Variants in LINGO1 observed in about 807,000 individuals in gnomAD.
The protein encoded by LINGO1 is leucine rich repeat and Ig domain containing 1, also known as leucine-rich repeat and immunoglobulin-like domain-containing nogo receptor-interacting protein 1.
A neutral mutation model predicts 37.3 loss-of-function variants in LINGO1; 11 were observed. The ratio of observed to expected loss-of-function variants is 0.29; its 90% CI spans 0.19 to 0.49. The LOEUF is 0.49. Among genes scored for constraint, LINGO1 ranks in the 20% least tolerant of loss-of-function variants. The probability of loss-of-function intolerance (pLI) is 0.99; values close to 1 mark genes in which losing one functional copy is unlikely to be tolerated. For missense variants in LINGO1, 585 were observed against 878.2 expected (o/e 0.67, Z 4.22); for synonymous variants, 387 against 403.0 (o/e 0.96, Z 0.48).
In LINGO1 at chr15:77,614,821, C is replaced by T. The variant is rs370273780; in HGVS notation, c.1086G>A (p.Glu362=). Residue 362 remains glutamate, a synonymous_variant, in exon 2 of 2, where the codon GAG becomes GAA. Transcript: ENST00000355300. ...GCGGGTTGGAGTCCAGGATGAGTGT[C>T]TCCAGGTTGCCCACCGAGTGGAAGA... is the stretch of plus-strand genomic sequence containing the variant. ...ESVFHSVGNL[E]TLILDSNPLA... The T allele has an allele frequency of 1.2e-6, 2 of 1,612,104 alleles. No homozygotes were observed. The highest frequency in any genetic ancestry group is 8.5e-7 in the Non-Finnish European group (1 of 1,179,228).
chr15:77,791,172 T>C (rs2076815639), upstream of LINGO1, among the ~76,000 whole-genome samples: 1 of 151,914 alleles, frequency 6.6e-6, no homozygotes, highest in Non-Finnish European at 1.5e-5. Context: ...GGGATTCTGT[T>C]TGGGAAGAGC....
chr15:77,762,922 T>C (rs2076491670), intron 1 of LINGO1, among the ~76,000 whole-genome samples: 1 of 152,162 alleles, frequency 6.6e-6, no homozygotes, highest in Non-Finnish European at 1.5e-5. Flanking sequence ...CTGATTGCCC[T>C]CTGTCACCCC....
chr15:77,810,689 C>T (rs551501575), intron 1 of LINGO1, among the ~76,000 whole-genome samples: 80 of 152,344 alleles, frequency 5.3e-4, no homozygotes, highest in African/African-American at 1.7e-3. Context: ...TCTCTAAGTA[C>T]GCCTTCTAGT....
chr15:77,700,297 A>G (rs1237318458), upstream of LINGO1, among the ~76,000 whole-genome samples: 1 of 152,216 alleles, frequency 6.6e-6, no homozygotes, highest in Non-Finnish European at 1.5e-5. Flanking sequence ...GAAACTGAAA[A>G]AAGTCAAAAG....
intron 1 of LINGO1, among the ~76,000 whole-genome samples, chr15:77,619,482 C>G (rs2073849820): frequency 6.6e-6 from 1 of 151,980 alleles, no homozygotes; most frequent in Admixed American, 6.6e-5. Context: ...GCCAGGAGCT[C>G]AAGACAAGGC....
intron 3 of LINGO1, among the ~76,000 whole-genome samples, chr15:77,656,497 G>A (rs1430561141): frequency 1.3e-5 from 2 of 152,120 alleles, no homozygotes; most frequent in Non-Finnish European, 2.9e-5. Context: ...TCCTCCCCCC[G>A]CAGCCGCCCT....
At chr15:77,619,872 C>A (rs568142541) in intron 1 of LINGO1, among the ~76,000 whole-genome samples, 2 of 152,214 alleles carry the variant, frequency 1.3e-5, no homozygotes, top group South Asian at 4.1e-4. Context: ...TGGGAGTGTA[C>A]GGGCTCTGAG....
At chr15:77,678,250 T>A (rs2075360217) in intron 2 of LINGO1, among the ~76,000 whole-genome samples, 1 of 152,226 alleles carries the variant, frequency 6.6e-6, no homozygotes, top group African/African-American at 2.4e-5. Flanking sequence ...GACAACTGCG[T>A]GTGGCTGTGT....
chr15:77,642,341 G>A (rs1359321488), intron 3 of LINGO1, among the ~76,000 whole-genome samples: 1 of 152,364 alleles, frequency 6.6e-6, no homozygotes, highest in South Asian at 2.1e-4. Context: ...ACAGAGGCAG[G>A]CCTCTCGAGT....
upstream of LINGO1, among the ~76,000 whole-genome samples, chr15:77,791,002 G>A (rs2076814704): frequency 6.6e-6 from 1 of 152,158 alleles, no homozygotes; most frequent in South Asian, 2.1e-4. Context: ...GGTGACTATG[G>A]GGCTTGTGAA....
chr15:77,803,616 T>A (rs1427182641), intron 1 of LINGO1, among the ~76,000 whole-genome samples: 3 of 151,706 alleles, frequency 2.0e-5, no homozygotes, highest in African/African-American at 4.8e-5. Flanking sequence ...GTCATGGGGG[T>A]GGATCCCTCA....
chr15:77,750,112 C>T (rs947812419), intron 1 of LINGO1, among the ~76,000 whole-genome samples: 1 of 152,108 alleles, frequency 6.6e-6, no homozygotes, highest in Non-Finnish European at 1.5e-5. Context: ...GCCCTGGAGT[C>T]AGAGCAGGGG....
chr15:77,755,623 G>C lies in LINGO1; in HGVS notation c.-256-20570C>G, dbSNP rs73455720. 8.5e-3 allele frequency among the ~76,000 whole-genome samples: 1,295 copies of C among 152,278 alleles called. 22 individuals carry two copies. The highest frequency in any genetic ancestry group is 0.03 in the African/African-American group (1,244 of 41,552). ...AAATAGAGTTGCTATCATTGTTTAT[G>C]TTACAGTTATACCTTCTGGTTAACA... On this transcript the variant is annotated intron_variant, in intron 1 of 3. Coordinates refer to the LINGO1 transcript ENST00000561686.
In LINGO1 at chr15:77,703,641, C is replaced by T. The variant is rs147066911; in HGVS notation, c.-194-12740G>A. On this transcript the variant is annotated intron_variant, in intron 2 of 3. Transcript: ENST00000561686. The stretch of plus-strand genomic sequence containing the variant: ...AAGGACCCTCCAGAGCTCCAAAATC[C>T]AGGACCACAATGCTCAAAATGCCTC... 2.5e-3 allele frequency among the ~76,000 whole-genome samples: 382 copies of T among 152,260 alleles called. 1 individual carries two copies. Among genetic ancestry groups the T allele is most frequent in the African/African-American group, 7.7e-3 (321 of 41,538 alleles).
intron 2 of LINGO1, among the ~76,000 whole-genome samples, chr15:77,721,990 C>A (rs2141314886): frequency 6.6e-6 from 1 of 152,256 alleles, no homozygotes; most frequent in South Asian, 2.1e-4. Flanking sequence ...TACCTGCTCA[C>A]CTTCCGAGGC....
At chr15:77,797,974 G>A (rs2076886963) in intron 1 of LINGO1, among the ~76,000 whole-genome samples, 1 of 152,214 alleles carries the variant, frequency 6.6e-6, no homozygotes, top group Admixed American at 6.5e-5. Context: ...AGGAGGCAGA[G>A]AAGTGGGTGC....
intron 3 of LINGO1, among the ~76,000 whole-genome samples, chr15:77,643,259 G>T (rs1330390084): frequency 6.6e-6 from 1 of 152,236 alleles, no homozygotes; most frequent in African/African-American, 2.4e-5. Flanking sequence ...CTGGGAGCAG[G>T]ACGGCTGTGT....
At chr15:77,780,975 A>C (rs1341315822) in intron 1 of LINGO1, among the ~76,000 whole-genome samples, 1 of 152,252 alleles carries the variant, frequency 6.6e-6, no homozygotes, top group Non-Finnish European at 1.5e-5. Flanking sequence ...GAAGAAGTCA[A>C]GGAGAGCTTC....
At chr15:77,818,669 C>G (rs1230977862) in intron 1 of LINGO1, among the ~76,000 whole-genome samples, 1 of 152,140 alleles carries the variant, frequency 6.6e-6, no homozygotes, top group Non-Finnish European at 1.5e-5. Context: ...CCAACTGAAC[C>G]TTGGTGTCTT....
Sources: gnomAD v4.1 joint callset for allele counts (sites outside exome capture counted in the v4.1 genomes callset) on GRCh38, gnomAD v4.1.1 for gene constraint, MANE v1.5 for transcripts, NCBI Gene and HGNC (gene_info 2026-07-23, HGNC 2026-07-21) for gene names.